Variants in FAM135B observed in about 807,000 individuals in gnomAD.
FAM135B encodes family with sequence similarity 135 member B, also known as protein FAM135B.
A neutral mutation model predicts 127.7 loss-of-function variants in FAM135B; 43 were observed. That is an observed-to-expected ratio of 0.34 (90% confidence interval 0.26 to 0.43). The LOEUF (loss-of-function observed/expected upper bound fraction) is 0.43, where lower values mean the gene tolerates loss of function less well. FAM135B is among the 20% of genes least tolerant of loss of function. The pLI is 1.00. For missense variants in FAM135B, 1,558 were observed against 1,725.6 expected, an observed-to-expected ratio of 0.90 and a Z score of 1.72; for synonymous variants, 670 against 665.1, an observed-to-expected ratio of 1.01 and a Z score of -0.11.
intron 2 of FAM135B, among the ~76,000 whole-genome samples, chr8:138,338,870 A>C (rs377530832): frequency 6.6e-6 from 1 of 152,150 alleles, no homozygotes; most frequent in South Asian, 2.1e-4. Context: ...CAAATGTCCA[A>C]CAATGGTAGA....
chr8:138,137,296 G>C, intron 18 of FAM135B, 36 bp from the exon 19 acceptor site: 13 of 1,179,538 alleles, frequency 1.1e-5, no homozygotes, highest in Non-Finnish European at 1.7e-5. Context: ...TTTTTACCCA[G>C]GTAGTTTCAA....
intron 1 of FAM135B, among the ~76,000 whole-genome samples, chr8:138,396,522 G>A (rs778025659): frequency 7.2e-5 from 11 of 152,130 alleles, no homozygotes; most frequent in Non-Finnish European, 1.2e-4. Context: ...ATCTGTGAGC[G>A]AATGCCTGAT....
At chr8:138,289,702 G>A (rs932755359) in intron 3 of FAM135B, among the ~76,000 whole-genome samples, 2 of 152,084 alleles carry the variant, frequency 1.3e-5, no homozygotes, top group African/African-American at 4.8e-5. Flanking sequence ...TCTTATCTAG[G>A]AGGCTGAGCC....
intron 1 of FAM135B, among the ~76,000 whole-genome samples, chr8:138,405,350 C>T (rs901466649): frequency 2.0e-5 from 3 of 147,614 alleles, no homozygotes; most frequent in Non-Finnish European, 4.5e-5. Context: ...AGGTATATCT[C>T]CTAATGTTAT....
intron 2 of FAM135B, among the ~76,000 whole-genome samples, chr8:138,342,134 C>A (rs1008350966): frequency 1.3e-5 from 2 of 152,206 alleles, no homozygotes; most frequent in African/African-American, 4.8e-5. Flanking sequence ...CACAAAACAC[C>A]ATGAAATAGG....
At chr8:138,150,378 G>A (rs951722128) in intron 13 of FAM135B, among the ~76,000 whole-genome samples, 1 of 152,140 alleles carries the variant, frequency 6.6e-6, no homozygotes, top group Non-Finnish European at 1.5e-5. Context: ...AATAAAAATT[G>A]AACAAAATTG....
At chr8:138,261,801 A>C (rs557970027) in intron 4 of FAM135B, among the ~76,000 whole-genome samples, 1 of 152,294 alleles carries the variant, frequency 6.6e-6, no homozygotes, top group East Asian at 1.9e-4. Flanking sequence ...AGCACATGGA[A>C]TCATGTGTTT....
chr8:138,495,110 A>C (rs888120295), intron 1 of FAM135B, among the ~76,000 whole-genome samples: 1 of 152,214 alleles, frequency 6.6e-6, no homozygotes, highest in African/African-American at 2.4e-5. Context: ...TGAGGAAGAG[A>C]GATTCTTTAG....
At chr8:138,322,961 T>C (rs1380030117) in intron 2 of FAM135B, among the ~76,000 whole-genome samples, 1 of 152,198 alleles carries the variant, frequency 6.6e-6, no homozygotes, top group Non-Finnish European at 1.5e-5. Context: ...AAATGACTAA[T>C]ATATTTTTAC....
intron 7 of FAM135B, among the ~76,000 whole-genome samples, chr8:138,220,467 T>C (rs1818943175): frequency 6.6e-6 from 1 of 152,188 alleles, no homozygotes; most frequent in Non-Finnish European, 1.5e-5. Context: ...GCACGACTGC[T>C]TACCAGCTGG....
intron 11 of FAM135B, among the ~76,000 whole-genome samples, chr8:138,171,872 G>T (rs1418936177): frequency 6.6e-6 from 1 of 152,158 alleles, no homozygotes; most frequent in South Asian, 2.1e-4. Context: ...ATGTGTGCAT[G>T]TATGTTTTCC....
At chr8:138,289,502 T>C (rs1586977865) in intron 3 of FAM135B, among the ~76,000 whole-genome samples, 1 of 152,246 alleles carries the variant, frequency 6.6e-6, no homozygotes. Context: ...TTCTCAGAAG[T>C]GGTTCCAGCT....
At chr8:138,312,617 C>T (rs1185873859) in intron 2 of FAM135B, among the ~76,000 whole-genome samples, 1 of 152,188 alleles carries the variant, frequency 6.6e-6, no homozygotes, top group African/African-American at 2.4e-5. Context: ...AACTTTTAGG[C>T]AACAGCTGTC....
chr8:138,432,749 G>A (rs941224953), intron 1 of FAM135B, among the ~76,000 whole-genome samples: 10 of 151,934 alleles, frequency 6.6e-5, no homozygotes, highest in African/African-American at 1.9e-4. Context: ...AGCTGGTTCC[G>A]ATACACATGT....
chr8:138,386,090 C>T (rs913668120), intron 1 of FAM135B, among the ~76,000 whole-genome samples: 8 of 151,984 alleles, frequency 5.3e-5, no homozygotes, highest in African/African-American at 9.7e-5. Context: ...GTGGTGCGCA[C>T]CTGTAATCTC....
chr8:138,281,202 T>A lies in FAM135B; in HGVS notation c.158-15360A>T, dbSNP rs564635426. Among the ~76,000 whole-genome samples the A allele has an allele frequency of 9.8e-5, 15 of 152,290 alleles. No homozygotes were observed. In the South Asian group the frequency reaches 3.1e-3, roughly 32 times the overall value. On this transcript the variant is annotated intron_variant, in intron 3 of 19. Transcript: ENST00000395297. ...CATGTCTGCTTGCAACTAGAGTGTT[T>A]CAACTATTTTTCCTATTTTATTTTA...
chr8:138,286,442 G>T (rs911059436), intron 3 of FAM135B, among the ~76,000 whole-genome samples: 1 of 152,220 alleles, frequency 6.6e-6, no homozygotes, highest in African/African-American at 2.4e-5. Flanking sequence ...TCCAATGGAG[G>T]AGATCAAAGA....
At chr8:138,235,957 G>A (rs887874927) in intron 7 of FAM135B, among the ~76,000 whole-genome samples, 1 of 152,194 alleles carries the variant, frequency 6.6e-6, no homozygotes, top group Non-Finnish European at 1.5e-5. Context: ...ACTCATCTCA[G>A]AGAAAGGTGC....
intron 1 of FAM135B, among the ~76,000 whole-genome samples, chr8:138,495,409 T>C (rs1815353486): frequency 6.6e-6 from 1 of 152,174 alleles, no homozygotes. Flanking sequence ...GATAACATCA[T>C]CCATATTATG....
Sources: allele counts gnomAD v4.1 joint callset (sites outside exome capture counted in the v4.1 genomes callset), GRCh38; gene constraint gnomAD v4.1.1; transcripts MANE v1.5; gene names NCBI Gene and HGNC (gene_info 2026-07-23, HGNC 2026-07-21).